Variants in BROX observed in about 807,000 individuals in gnomAD.
BROX encodes the protein BRO1 domain and CAAX motif containing.
In BROX, 53 loss-of-function variants were observed where a neutral mutation model predicts 61.0. The ratio of observed to expected loss-of-function variants is 0.87; its 90% confidence interval spans 0.70 to 1.09. The LOEUF is 1.09. BROX is among the 50% of genes least tolerant of loss of function. BROX has a pLI of 0.00. For missense variants in BROX, 489 were observed against 472.0 expected (o/e 1.04, Z -0.33); for synonymous variants, 152 against 160.2 (o/e 0.95, Z 0.38).
At chr1:222,731,617 G>T in intron 12 of BROX, 101 bp downstream of exon 12, 1 of 1,277,264 alleles carries the variant, frequency 7.8e-7, no homozygotes, top group Non-Finnish European at 1.1e-6. Flanking sequence ...ACATATCTTT[G>T]TCTAAATGTT....
At chr1:222,719,144 A>C in intron 3 of BROX, 113 bp downstream of exon 3, 1 of 1,280,894 alleles carries the variant, frequency 7.8e-7, no homozygotes, top group East Asian at 2.3e-5. Context: ...TATTCTTTGG[A>C]AAAGAGCAAG....
In BROX at chr1:222,730,487, T is replaced by G. The variant is rs115507586; in HGVS notation, c.989+310T>G. Among the ~76,000 whole-genome samples the G allele has an allele frequency of 7.7e-3, 1,170 of 152,190 alleles. 3 individuals are homozygous for G. Among genetic ancestry groups the G allele is most frequent in the Non-Finnish European group, 0.01 (701 of 68,008 alleles). On this transcript the variant is annotated intron_variant, in intron 11 of 12. Coordinates refer to ENST00000340934, the MANE Select transcript of BROX (RefSeq NM_144695.4). ...GTGGCACACGCCTGTAAATCCAAGCTACTCAGGATGAGGTGGGAGAATCAT... is the reference window on the plus strand; with the variant it reads ...GTGGCACACGCCTGTAAATCCAAGCGACTCAGGATGAGGTGGGAGAATCAT...
intron 5 of BROX, among the ~76,000 whole-genome samples, chr1:222,722,730 A>G (rs572778917): frequency 1.3e-5 from 2 of 152,248 alleles, no homozygotes; most frequent in African/African-American, 4.8e-5. Context: ...GCTAAGTAAG[A>G]CCCCAAATCA....
chr1:222,730,484 A>G (rs1042636909), intron 11 of BROX, among the ~76,000 whole-genome samples: 3 of 152,134 alleles, frequency 2.0e-5, no homozygotes, highest in Non-Finnish European at 2.9e-5. Flanking sequence ...TGTAAATCCA[A>G]GCTACTCAGG....
At chr1:222,724,496 A>G (rs1657353765) in intron 6 of BROX, among the ~76,000 whole-genome samples, 1 of 152,240 alleles carries the variant, frequency 6.6e-6, no homozygotes, top group Admixed American at 6.5e-5. Context: ...TCTCCACAGA[A>G]GTTACCAGGA....
At chr1:222,729,746 T>C (rs1353389317) in intron 10 of BROX, 45 bp downstream of exon 10, 5 of 1,544,774 alleles carry the variant, frequency 3.2e-6, no homozygotes, top group Non-Finnish European at 1.8e-6. Context: ...AAAAAACAAA[T>C]GACTTTATCA....
At chr1:222,725,817 G>C (rs1657459189) in intron 7 of BROX, among the ~76,000 whole-genome samples, 3 of 152,244 alleles carry the variant, frequency 2.0e-5, no homozygotes, top group East Asian at 3.9e-4. Context: ...GGCTGAGATG[G>C]GAAGGATCGC....
At chr1:222,716,884 G>A (rs1656665907) in intron 2 of BROX, among the ~76,000 whole-genome samples, 1 of 152,228 alleles carries the variant, frequency 6.6e-6, no homozygotes, top group South Asian at 2.1e-4. Flanking sequence ...AAATGCAAAA[G>A]ATGTTTTGAA....
Position 222,732,778 on chromosome 1 carries a change from T to G in BROX, c.*64T>G. 7.8e-7 allele frequency: 1 copy of G among 1,282,150 alleles called. No individual in the cohort carries two copies. The highest frequency in any genetic ancestry group is 1.1e-6 in the Non-Finnish European group (1 of 900,340). The allele number at this position is 1,282,150 out of a possible 1,614,324, so 79.4% of individuals were successfully genotyped here. On this transcript the variant is annotated 3_prime_UTR_variant, in exon 13 of 13. Transcript: ENST00000340934. ...AGATAAACCACAGAATTTCAGTTCT[T>G]ATTTCTCAAAATGATTTCTCTGAAG... is the stretch of plus-strand genomic sequence containing the variant.
intron 2 of BROX, 54 bp downstream of exon 2, chr1:222,715,854 TG>T: frequency 9.6e-7 from 1 of 1,045,968 alleles, no homozygotes; most frequent in Non-Finnish European, 1.4e-6. Flanking sequence ...TTTGGTTCCA[TG>T]GCAATACAGA....
intron 7 of BROX, among the ~76,000 whole-genome samples, chr1:222,726,166 T>G (rs980712280): frequency 1.3e-5 from 2 of 152,248 alleles, no homozygotes; most frequent in Non-Finnish European, 2.9e-5. Context: ...ACTCGTTGGC[T>G]TACCTTAATG....
chr1:222,727,443 A>T (rs2125032753), intron 8 of BROX, among the ~76,000 whole-genome samples, 186 bp downstream of exon 8: 1 of 152,326 alleles, frequency 6.6e-6, no homozygotes, highest in Middle Eastern at 3.4e-3. Context: ...CTTCTAATGG[A>T]GGGGAAAACC....
In BROX at chr1:222,729,701, T is replaced by C; in HGVS notation, c.838T>C (p.Leu280=). Residue 280 remains leucine, a splice_region_variant and synonymous_variant, in exon 10 of 13, where the codon TTG becomes CTG. Coordinates refer to ENST00000340934, the MANE Select transcript of BROX (RefSeq NM_144695.4). Reference sequence around the variant, plus strand: ...CAGGTCTCTCCAAGAAGCAGAAAAATGTAAGTTTTCCTGCCAGAATATTAA... The same window carrying C: ...CAGGTCTCTCCAAGAAGCAGAAAAACGTAAGTTTTCCTGCCAGAATATTAA... ...AIRSLQEAEK[L]YAKAEALCKE... is the part of the protein sequence containing the mutation. 1 of 1,607,606 alleles carries C rather than the reference T, an allele frequency of 6.2e-7. No individual in the cohort carries two copies. Among genetic ancestry groups the C allele is most frequent in the Non-Finnish European group, 8.5e-7 (1 of 1,175,344 alleles).
chr1:222,729,577 C>T (rs1311492308), intron 9 of BROX, 43 bp from the exon 10 acceptor site: 4 of 1,487,108 alleles, frequency 2.7e-6, no homozygotes, highest in Non-Finnish European at 3.7e-6. Context: ...GGGAAAGCAT[C>T]TTGAAGGGAG....
chr1:222,721,950 A>G (rs1210654381), intron 4 of BROX, among the ~76,000 whole-genome samples: 1 of 152,102 alleles, frequency 6.6e-6, no homozygotes, highest in African/African-American at 2.4e-5. Flanking sequence ...CTTTCCAGGG[A>G]CAGTTCAGAT....
chr1:222,732,971 GGTCTTTTT>G lies in BROX; in HGVS notation c.*260_*267del, dbSNP rs1658049907. The G allele has an allele frequency of 2.6e-6, 1 of 383,530 alleles. No individual in the cohort carries two copies. The highest frequency in any genetic ancestry group is 2.1e-5 in the African/African-American group (1 of 47,270). The allele number at this position is 383,530 out of a possible 1,614,324, so 23.8% of individuals were successfully genotyped here. A position where few individuals can be genotyped will look rare whatever the true frequency, so the allele number is the denominator to read the frequency against. On this transcript the variant is annotated 3_prime_UTR_variant, in exon 13 of 13. Coordinates refer to ENST00000340934, the MANE Select transcript of BROX (RefSeq NM_144695.4). ...CTCTAAAGGGTATATTTGGGGGTTG[GGTCTTTTT>G]GTTAAACTCTGGATAGTAATAAGTT...
Position 222,728,733 on chromosome 1 carries a change from G to GT in BROX, c.671-9dup. Reference sequence around the variant, plus strand: ...GAAATTATATTTTGCTTTTTAAAATGTAACTTTAGATCATACTTTATCCAG... The same window carrying GT: ...GAAATTATATTTTGCTTTTTAAAATGTTAACTTTAGATCATACTTTATCCAG... On this transcript the variant is annotated splice_polypyrimidine_tract_variant and intron_variant, in intron 8 of 12. Coordinates refer to ENST00000340934, the MANE Select transcript of BROX (RefSeq NM_144695.4). 6.5e-7 allele frequency: 1 copy of GT among 1,549,246 alleles called. No individual in the cohort carries two copies. Among genetic ancestry groups the GT allele is most frequent in the Non-Finnish European group, 8.8e-7 (1 of 1,131,402 alleles).
At chr1:222,726,506 T>A (rs1657511483) in intron 7 of BROX, among the ~76,000 whole-genome samples, 1 of 151,936 alleles carries the variant, frequency 6.6e-6, no homozygotes. Flanking sequence ...CACCTGAGGT[T>A]GGGAGTTCGA....
At chr1:222,729,168 C>A (rs2125038406) in intron 9 of BROX, among the ~76,000 whole-genome samples, 1 of 152,254 alleles carries the variant, frequency 6.6e-6, no homozygotes, top group Non-Finnish European at 1.5e-5. Flanking sequence ...CAATATATCA[C>A]CTAGCTTAGT....
Sources: allele counts gnomAD v4.1 joint callset (sites outside exome capture counted in the v4.1 genomes callset), GRCh38; gene constraint gnomAD v4.1.1; transcripts MANE v1.5; gene names NCBI Gene and HGNC (gene_info 2026-07-23, HGNC 2026-07-21).